The following GALNT13 variants were observed in gnomAD, a reference collection of about 807,000 sequenced individuals.
GALNT13 encodes polypeptide N-acetylgalactosaminyltransferase 13.
Under a neutral mutation model 64.2 loss-of-function variants are expected in GALNT13, and 28 were observed. The ratio of observed to expected loss-of-function variants is 0.44; its 90% confidence interval spans 0.32 to 0.60. GALNT13 has a LOEUF of 0.60. Among genes scored for constraint, GALNT13 ranks in the 20% least tolerant of loss-of-function variants. The pLI is 0.05. For synonymous variants in GALNT13, 214 were observed against 224.6 expected, an observed-to-expected ratio of 0.95 and a Z score of 0.42; for missense variants, 577 against 669.8, an observed-to-expected ratio of 0.86 and a Z score of 1.53.
chr2:153,079,106 C>T, the GALNT13 span, among the ~76,000 whole-genome samples: 2 of 152,144 alleles, frequency 1.3e-5, no homozygotes, highest in South Asian at 2.1e-4. Context: ...GAGTGTGTGC[C>T]ACTATGAGTA....
chr2:154,275,355 AG>A (rs1350272801), intron 8 of GALNT13, among the ~76,000 whole-genome samples: 4 of 151,938 alleles, frequency 2.6e-5, no homozygotes, highest in Non-Finnish European at 4.4e-5. Context: ...TAGTTTAGTG[AG>A]TTGAGCCTAG....
intron 6 of GALNT13, among the ~76,000 whole-genome samples, chr2:154,245,096 G>A (rs1177808646): frequency 8.6e-6 from 1 of 116,322 alleles, no homozygotes; most frequent in East Asian, 2.5e-4. Context: ...ACAGGGCAAG[G>A]CTCTGTCAAA....
chr2:153,393,832 G>A, the GALNT13 span, among the ~76,000 whole-genome samples: 1 of 151,874 alleles, frequency 6.6e-6, no homozygotes, highest in Non-Finnish European at 1.5e-5. Context: ...TGCGACATAG[G>A]CTCTTCCCTG....
At chr2:154,255,745 A>G (rs1480765635) in intron 7 of GALNT13, among the ~76,000 whole-genome samples, 1 of 152,132 alleles carries the variant, frequency 6.6e-6, no homozygotes, top group Non-Finnish European at 1.5e-5. Context: ...GGTTGAGAAG[A>G]GTCCAAAACT....
the GALNT13 span, among the ~76,000 whole-genome samples, chr2:153,176,913 A>T: frequency 6.6e-6 from 1 of 152,156 alleles, no homozygotes; most frequent in African/African-American, 2.4e-5. Flanking sequence ...AGACTTCTAT[A>T]ACCTATGAAA....
the GALNT13 span, among the ~76,000 whole-genome samples, chr2:153,232,608 C>T: frequency 2.6e-5 from 4 of 152,194 alleles, no homozygotes; most frequent in African/African-American, 9.6e-5. Context: ...TGACAATGCT[C>T]ATAGTCATCA....
intron 3 of GALNT13, among the ~76,000 whole-genome samples, chr2:154,025,051 G>A (rs1274114982): frequency 6.6e-6 from 1 of 152,162 alleles, no homozygotes; most frequent in Admixed American, 6.5e-5. Flanking sequence ...CGTTCCTCTG[G>A]AAGTTTTGGC....
the GALNT13 span, among the ~76,000 whole-genome samples, chr2:153,458,224 T>TA: frequency 1.5e-4 from 23 of 150,876 alleles, no homozygotes; most frequent in African/African-American, 4.6e-4. Flanking sequence ...ATCCTTGCTT[T>TA]AAAAAAAAAT....
chr2:153,257,094 A>T, the GALNT13 span, among the ~76,000 whole-genome samples: 2 of 152,218 alleles, frequency 1.3e-5, no homozygotes, highest in Admixed American at 6.5e-5. Context: ...CTGTGCTAGC[A>T]ATCAGTGAGA....
the GALNT13 span, among the ~76,000 whole-genome samples, chr2:153,766,314 G>C: frequency 6.6e-6 from 1 of 152,004 alleles, no homozygotes; most frequent in African/African-American, 2.4e-5. Flanking sequence ...ATGTTTGATA[G>C]TTTGATTATT....
the GALNT13 span, among the ~76,000 whole-genome samples, chr2:153,434,454 A>G: frequency 6.6e-6 from 1 of 152,222 alleles, no homozygotes; most frequent in African/African-American, 2.4e-5. Flanking sequence ...CAACCATGTG[A>G]AAGTGTTCCT....
chr2:153,948,056 C>A (rs1691899147), intron 3 of GALNT13, among the ~76,000 whole-genome samples: 1 of 151,910 alleles, frequency 6.6e-6, no homozygotes, highest in Non-Finnish European at 1.5e-5. Context: ...GTTTTTGTAC[C>A]AGTGCCATGC....
chr2:154,178,662 C>T (rs572043058), intron 4 of GALNT13, among the ~76,000 whole-genome samples: 58 of 152,238 alleles, frequency 3.8e-4, no homozygotes, highest in African/African-American at 1.4e-3. Context: ...TTCTTCAAGT[C>T]TTCTCTCACT....
At chr2:153,689,112 T>C in the GALNT13 span, among the ~76,000 whole-genome samples, 1 of 140,408 alleles carries the variant, frequency 7.1e-6, no homozygotes, top group Admixed American at 7.1e-5. Context: ...TTAGCGTTAG[T>C]AGATATTGCT....
intron 2 of GALNT13, among the ~76,000 whole-genome samples, chr2:153,912,090 T>A (rs1688980564): frequency 6.6e-6 from 1 of 152,208 alleles, no homozygotes; most frequent in Non-Finnish European, 1.5e-5. Flanking sequence ...CTCTGAGGTT[T>A]GGTTTGTTCC....
intron 8 of GALNT13, among the ~76,000 whole-genome samples, chr2:154,284,564 T>C (rs1444693718): frequency 6.9e-6 from 1 of 144,940 alleles, no homozygotes; most frequent in Admixed American, 6.9e-5. Flanking sequence ...TATATGTATC[T>C]CACATTTTCT....
the GALNT13 span, among the ~76,000 whole-genome samples, chr2:153,302,232 A>T: frequency 6.6e-6 from 1 of 152,174 alleles, no homozygotes; most frequent in Non-Finnish European, 1.5e-5. Context: ...TCATTTTGAT[A>T]ATAGCCATTC....
the GALNT13 span, among the ~76,000 whole-genome samples, chr2:153,474,730 G>T: frequency 6.6e-6 from 1 of 152,154 alleles, no homozygotes; most frequent in Non-Finnish European, 1.5e-5. Flanking sequence ...TGCATTTGCT[G>T]TATTTCCAGA....
the GALNT13 span, among the ~76,000 whole-genome samples, chr2:153,082,806 G>C: frequency 2.1e-5 from 3 of 143,278 alleles, no homozygotes; most frequent in Non-Finnish European, 4.5e-5. Flanking sequence ...ATTATTTATT[G>C]AATAAATAAA....
Sources: gnomAD v4.1 joint callset for allele counts (sites outside exome capture counted in the v4.1 genomes callset) on GRCh38, gnomAD v4.1.1 for gene constraint, MANE v1.5 for transcripts, NCBI Gene and HGNC (gene_info 2026-07-23, HGNC 2026-07-21) for gene names.